BMP5: variants seen among roughly 807,000 people sequenced by gnomAD.
BMP5 encodes bone morphogenetic protein 5.
BMP5 carries 23 observed loss-of-function variants against 46.6 expected under a neutral mutation model. The ratio of observed to expected loss-of-function variants is 0.49; its 90% confidence interval spans 0.35 to 0.70. BMP5 has a LOEUF of 0.70. Ranked by LOEUF, BMP5 falls within the 30% of genes least tolerant of loss-of-function variation. The probability of loss-of-function intolerance (pLI) is 0.00; values close to 1 mark genes in which losing one functional copy is unlikely to be tolerated. For synonymous variants in BMP5, 204 were observed against 191.9 expected, an observed-to-expected ratio of 1.06 and a Z score of -0.52; for missense variants, 545 against 565.6, an observed-to-expected ratio of 0.96 and a Z score of 0.37.
In BMP5 at chr6:55,874,908, C is replaced by G; in HGVS notation, c.-43G>C. 6.3e-7 allele frequency: 1 copy of G among 1,582,266 alleles called. No individual in the cohort carries two copies. The highest frequency in any genetic ancestry group is 8.5e-7 in the Non-Finnish European group (1 of 1,170,628). ...AGTTGATATTTTTAGTCCTTCTTGT[C>G]CTCTTAAAAAAAAAAAAAACCTAAG... On this transcript the variant is annotated 5_prime_UTR_variant, in exon 1 of 7. Coordinates refer to ENST00000370830, the MANE Select transcript of BMP5 (RefSeq NM_021073.4).
intron 2 of BMP5, among the ~76,000 whole-genome samples, chr6:55,808,459 A>G (rs1776044940): frequency 6.6e-6 from 1 of 152,062 alleles, no homozygotes; most frequent in Non-Finnish European, 1.5e-5. Context: ...AAGGACCTCA[A>G]ATGGCTTTGA....
At chr6:55,789,022 T>C (rs1257817329) in intron 3 of BMP5, among the ~76,000 whole-genome samples, 1 of 151,866 alleles carries the variant, frequency 6.6e-6, no homozygotes, top group Non-Finnish European at 1.5e-5. Context: ...ACCTGAAGTT[T>C]TACCTTGATG....
At chr6:55,780,456 T>TAAAAAAAAAAAAAAAA (rs369703099) in intron 3 of BMP5, among the ~76,000 whole-genome samples, 3 of 61,968 alleles carry the variant, frequency 4.8e-5, no homozygotes, top group Non-Finnish European at 8.2e-5. Context: ...CCATCACTAC[T>TAAAAAAAAAAAAAAAA]AAAAAAAAAA....
chr6:55,839,489 A>G (rs1776899791), intron 1 of BMP5, among the ~76,000 whole-genome samples: 1 of 151,746 alleles, frequency 6.6e-6, no homozygotes, highest in South Asian at 2.1e-4. Context: ...TAATTTTTCA[A>G]TTTTTTGTAA....
At chr6:55,838,789 A>G (rs1776884520) in intron 1 of BMP5, among the ~76,000 whole-genome samples, 1 of 152,204 alleles carries the variant, frequency 6.6e-6, no homozygotes. Flanking sequence ...TATTTTCATG[A>G]TGCTTTTGCT....
At chr6:55,837,338 GA>G (rs1562062888) in intron 1 of BMP5, among the ~76,000 whole-genome samples, 1 of 99,476 alleles carries the variant, frequency 1.0e-5, no homozygotes, top group East Asian at 3.0e-4. Flanking sequence ...AACTAATTTA[GA>G]TAGATAGATA....
intron 1 of BMP5, among the ~76,000 whole-genome samples, chr6:55,847,965 G>T (rs1055710779): frequency 9.9e-5 from 15 of 151,798 alleles, no homozygotes; most frequent in African/African-American, 3.4e-4. Flanking sequence ...TCCTTAAAAG[G>T]ATAATTAATT....
chr6:55,817,771 TA>T (rs1361422285), intron 2 of BMP5, among the ~76,000 whole-genome samples: 1 of 151,688 alleles, frequency 6.6e-6, no homozygotes, highest in African/African-American at 2.4e-5. Flanking sequence ...TAAAATAAAA[TA>T]AAAAAGAAAT....
intron 2 of BMP5, among the ~76,000 whole-genome samples, chr6:55,800,117 C>T (rs778636815): frequency 2.0e-5 from 3 of 152,108 alleles, no homozygotes; most frequent in Admixed American, 6.5e-5. Flanking sequence ...CAGTATCATA[C>T]ACAAATATAC....
chr6:55,807,250 C>T (rs983934870), intron 2 of BMP5, among the ~76,000 whole-genome samples: 2 of 152,048 alleles, frequency 1.3e-5, no homozygotes, highest in African/African-American at 4.8e-5. Context: ...TCATCAATAC[C>T]TAATTTATTG....
At chr6:55,824,656 C>A (rs1292150549) in intron 1 of BMP5, among the ~76,000 whole-genome samples, 1 of 151,798 alleles carries the variant, frequency 6.6e-6, no homozygotes, top group Non-Finnish European at 1.5e-5. Flanking sequence ...TAGTACCATC[C>A]CTTATCTCAG....
intron 1 of BMP5, among the ~76,000 whole-genome samples, chr6:55,829,373 T>C (rs1776607750): frequency 6.6e-6 from 1 of 151,796 alleles, no homozygotes; most frequent in Non-Finnish European, 1.5e-5. Context: ...TTTTTTATTG[T>C]TTCATAAGGA....
chr6:55,861,792 T>C (rs541699183), intron 1 of BMP5, among the ~76,000 whole-genome samples: 1 of 152,350 alleles, frequency 6.6e-6, no homozygotes, highest in African/African-American at 2.4e-5. Context: ...ATTCAATATA[T>C]AATATGTTGG....
intron 2 of BMP5, among the ~76,000 whole-genome samples, chr6:55,803,985 T>C (rs1245353801): frequency 6.6e-6 from 1 of 152,220 alleles, no homozygotes; most frequent in Non-Finnish European, 1.5e-5. Context: ...TTACAAGAAC[T>C]ATTTAACCAG....
chr6:55,761,798 T>G (rs941896762), intron 4 of BMP5, among the ~76,000 whole-genome samples: 1 of 152,104 alleles, frequency 6.6e-6, no homozygotes, highest in Non-Finnish European at 1.5e-5. Context: ...TTTATTTATG[T>G]GTGGCTTCTT....
intron 1 of BMP5, among the ~76,000 whole-genome samples, chr6:55,866,463 G>A (rs759840033): frequency 5.3e-5 from 8 of 152,148 alleles, no homozygotes; most frequent in Non-Finnish European, 1.0e-4. Context: ...TGCGAATGCT[G>A]CATGTGAGAA....
intron 3 of BMP5, among the ~76,000 whole-genome samples, chr6:55,777,700 A>C (rs1235317377): frequency 1.3e-5 from 2 of 152,006 alleles, no homozygotes; most frequent in East Asian, 3.9e-4. Context: ...GCAAGAAGTC[A>C]TCTTAAGAAA....
intron 2 of BMP5, among the ~76,000 whole-genome samples, chr6:55,814,722 G>T (rs1776213760): frequency 6.6e-6 from 1 of 152,196 alleles, no homozygotes; most frequent in African/African-American, 2.4e-5. Flanking sequence ...ACACGGCACA[G>T]AATTGCATTT....
chr6:55,823,632 C>G (rs1341147460), intron 1 of BMP5, among the ~76,000 whole-genome samples: 1 of 151,984 alleles, frequency 6.6e-6, no homozygotes, highest in African/African-American at 2.4e-5. Context: ...GTGTGTTTTT[C>G]TGAATATTGT....
Sources: gnomAD v4.1 joint callset for allele counts (sites outside exome capture counted in the v4.1 genomes callset) on GRCh38, gnomAD v4.1.1 for gene constraint, MANE v1.5 for transcripts, NCBI Gene and HGNC (gene_info 2026-07-23, HGNC 2026-07-21) for gene names.